The following MAD1L1 variants were observed in gnomAD, a reference collection of about 807,000 sequenced individuals.
MAD1L1 encodes the protein mitotic arrest deficient 1 like 1.
MAD1L1 carries 95 observed loss-of-function variants against 96.9 expected under a neutral mutation model. That is an observed-to-expected ratio of 0.98 (90% confidence interval 0.83 to 1.16). The LOEUF (loss-of-function observed/expected upper bound fraction) is 1.16, where lower values mean the gene tolerates loss of function less well. Among genes scored for constraint, MAD1L1 ranks in the 50% most tolerant of loss-of-function variants. MAD1L1 has a pLI of 0.00. For missense variants in MAD1L1, 1,007 were observed against 954.4 expected, an observed-to-expected ratio of 1.06 and a Z score of -0.73; for synonymous variants, 473 against 396.6, an observed-to-expected ratio of 1.19 and a Z score of -2.29.
intron 18 of MAD1L1, among the ~76,000 whole-genome samples, chr7:1,871,911 T>G (rs1228106738): frequency 6.6e-6 from 1 of 151,796 alleles, no homozygotes. Context: ...GTGGAGGAGA[T>G]GAGAAGAGAG....
intron 10 of MAD1L1, among the ~76,000 whole-genome samples, chr7:2,211,860 G>C (rs967972824): frequency 2.0e-5 from 3 of 152,232 alleles, no homozygotes; most frequent in African/African-American, 7.2e-5. Flanking sequence ...CTCTTTCAGA[G>C]AGTCTCAGTC....
intron 12 of MAD1L1, among the ~76,000 whole-genome samples, chr7:2,019,401 G>T (rs767671137): frequency 1.2e-4 from 18 of 152,310 alleles, no homozygotes; most frequent in Admixed American, 2.6e-4. Context: ...GCGCCTCGGA[G>T]GACCCACGCG....
At chr7:2,079,889 T>G (rs1785553014) in intron 11 of MAD1L1, 1 of 381,696 alleles carries the variant, frequency 2.6e-6, no homozygotes, top group African/African-American at 2.1e-5. Context: ...AGCTCTGACT[T>G]GGAGAAAAAA....
At position 2,154,182 on chromosome 7, in the gene MAD1L1, C is replaced by T. The variant is rs548396027; in HGVS notation, c.987-4944G>A. Among the ~76,000 whole-genome samples the T allele has an allele frequency of 1.2e-4, 18 of 152,250 alleles. No homozygotes were observed. In the South Asian group the frequency reaches 3.5e-3, roughly 30 times the overall value. On this transcript the variant is annotated intron_variant, in intron 10 of 18. Transcript: ENST00000265854. ...AAAAAAAGAAAGAATGAGAGCCTGTCATTTGTAACAACGTGGCTGGAATGG... is the reference window on the plus strand; with the variant it reads ...AAAAAAAGAAAGAATGAGAGCCTGTTATTTGTAACAACGTGGCTGGAATGG...
rs111486625 is a variant in MAD1L1, at chr7:1,976,350, C to G, written c.1505+4103G>C. Among the ~76,000 whole-genome samples the G allele has an allele frequency of 1.6e-3, 239 of 152,296 alleles. 2 individuals carry two copies. Among genetic ancestry groups the G allele is most frequent in the African/African-American group, 5.6e-3 (232 of 41,566 alleles). On this transcript the variant is annotated intron_variant, in intron 15 of 18. Coordinates refer to ENST00000265854, the MANE Select transcript of MAD1L1 (RefSeq NM_001013836.2). ...CGGACATGTTCGGAGTTTCTTTCTT[C>G]TGGTGGGTTCGTGGTCTTGCTGGCT...
chr7:2,075,312 G>A (rs934560888), intron 11 of MAD1L1, among the ~76,000 whole-genome samples: 15 of 152,122 alleles, frequency 9.9e-5, no homozygotes, highest in Middle Eastern at 3.2e-3. Flanking sequence ...GAGGCGCTCC[G>A]GCAAGATGGC....
At chr7:2,080,952 G>A (rs1785611466) in intron 11 of MAD1L1, among the ~76,000 whole-genome samples, 1 of 152,186 alleles carries the variant, frequency 6.6e-6, no homozygotes, top group Admixed American at 6.5e-5. Context: ...TTATATCTTG[G>A]CCTCATTAAC....
chr7:2,016,217 C>T (rs1231435657), intron 12 of MAD1L1, among the ~76,000 whole-genome samples: 2 of 152,200 alleles, frequency 1.3e-5, no homozygotes, highest in African/African-American at 2.4e-5. Context: ...CACCCCTTCC[C>T]AACACACATG....
chr7:1,903,727 G>T (rs1787426106), intron 17 of MAD1L1, among the ~76,000 whole-genome samples: 3 of 142,032 alleles, frequency 2.1e-5, no homozygotes, highest in African/African-American at 8.5e-5. Flanking sequence ...AGGCAGCAAG[G>T]ATGCAGTGGC....
At position 1,994,960 on chromosome 7, in the gene MAD1L1, G is replaced by A. The variant is rs1330872020; in HGVS notation, c.1416+7105C>T. Among the ~76,000 whole-genome samples the A allele has an allele frequency of 5.3e-5, 8 of 152,320 alleles. No homozygotes were observed. The East Asian group carries it at 5.8e-4, about 11-fold the overall frequency. On this transcript the variant is annotated intron_variant, in intron 14 of 18. Transcript: ENST00000265854. Reference sequence around the variant, plus strand: ...TTCCCAAAGTGCTGGGATTACAGGCGTAAGCCACCACGCCCGGCCAACATC... The same window carrying A: ...TTCCCAAAGTGCTGGGATTACAGGCATAAGCCACCACGCCCGGCCAACATC...
chr7:2,211,032 C>T (rs142063384), intron 10 of MAD1L1, among the ~76,000 whole-genome samples: 2 of 152,286 alleles, frequency 1.3e-5, no homozygotes, highest in African/African-American at 2.4e-5. Flanking sequence ...CTGTTGGTGG[C>T]GGGGGGCAGG....
At chr7:2,048,508 T>C (rs1238547563) in intron 12 of MAD1L1, among the ~76,000 whole-genome samples, 1 of 152,210 alleles carries the variant, frequency 6.6e-6, no homozygotes, top group Non-Finnish European at 1.5e-5. Flanking sequence ...GCAGGTCCCA[T>C]GCCAGGTATT....
intron 16 of MAD1L1, among the ~76,000 whole-genome samples, chr7:1,948,468 T>C (rs1442262092): frequency 6.6e-6 from 1 of 152,192 alleles, no homozygotes; most frequent in Non-Finnish European, 1.5e-5. Context: ...GCCAAACCAG[T>C]GGAGCCGGGA....
chr7:2,139,924 C>A (rs1303631159), intron 11 of MAD1L1, among the ~76,000 whole-genome samples: 1 of 152,158 alleles, frequency 6.6e-6, no homozygotes, highest in Non-Finnish European at 1.5e-5. Flanking sequence ...TTCACTCCAC[C>A]AAGTAGAGTC....
intron 17 of MAD1L1, among the ~76,000 whole-genome samples, chr7:1,934,734 C>A (rs568560352): frequency 6.6e-6 from 1 of 150,862 alleles, no homozygotes; most frequent in African/African-American, 2.4e-5. Context: ...GACGGGCGAA[C>A]CCGAGATGCG....
intron 10 of MAD1L1, among the ~76,000 whole-genome samples, chr7:2,188,930 G>T (rs561952543): frequency 6.6e-6 from 1 of 152,150 alleles, no homozygotes; most frequent in Non-Finnish European, 1.5e-5. Flanking sequence ...TTTGGAAACC[G>T]TATCTGTAAG....
At chr7:2,016,958 G>A (rs1782571228) in intron 12 of MAD1L1, among the ~76,000 whole-genome samples, 1 of 152,266 alleles carries the variant, frequency 6.6e-6, no homozygotes, top group Non-Finnish European at 1.5e-5. Flanking sequence ...CAAGGCCGGG[G>A]CGGGGGACTT....
rs551069289 is a variant in MAD1L1, at chr7:1,828,272, G to A, written c.1999-12044C>T. Among the ~76,000 whole-genome samples the A allele has an allele frequency of 1.2e-3, 186 of 152,292 alleles. 2 individuals carry two copies. Among genetic ancestry groups the A allele is most frequent in the African/African-American group, 4.1e-3 (170 of 41,552 alleles). Reference sequence around the variant, plus strand: ...GAAGGGTGGCGGGCCCTGAGAGACGGGGCGAGCCTGGGGAGACAGTCACAG... The same window carrying A: ...GAAGGGTGGCGGGCCCTGAGAGACGAGGCGAGCCTGGGGAGACAGTCACAG... On this transcript the variant is annotated intron_variant, in intron 18 of 18. Transcript: ENST00000265854.
chr7:1,935,905 C>A (rs529248919), intron 17 of MAD1L1, among the ~76,000 whole-genome samples: 1 of 152,366 alleles, frequency 6.6e-6, no homozygotes, highest in African/African-American at 2.4e-5. Context: ...GGCCACGCTC[C>A]AGGCTGCTGC....
Sources: allele counts gnomAD v4.1 joint callset (sites outside exome capture counted in the v4.1 genomes callset), GRCh38; gene constraint gnomAD v4.1.1; transcripts MANE v1.5; gene names NCBI Gene and HGNC (gene_info 2026-07-23, HGNC 2026-07-21).